The following RHOU variants were observed in gnomAD, a reference collection of about 807,000 sequenced individuals.
RHOU encodes ras homolog family member U, also known as rho-related GTP-binding protein RhoU.
RHOU carries 8 observed loss-of-function variants against 12.6 expected under a neutral mutation model. The ratio of observed to expected loss-of-function variants is 0.64; its 90% CI spans 0.37 to 1.15. The LOEUF is 1.15. Among genes scored for constraint, RHOU ranks in the 50% most tolerant of loss-of-function variants. The pLI, the probability that RHOU is intolerant of heterozygous loss-of-function variation, is 0.01. For synonymous variants in RHOU, 161 were observed against 147.4 expected (o/e 1.09, Z -0.67); for missense variants, 258 against 347.0 (o/e 0.74, Z 2.04).
rs764112628 is a variant in RHOU, at chr1:228,736,015, CG to C, written c.262+17del. The C allele has an allele frequency of 9.6e-6, 15 of 1,569,104 alleles. No individual in the cohort carries two copies. In the East Asian group the frequency reaches 9.8e-5, roughly 10 times the overall value. The stretch of plus-strand genomic sequence containing the variant: ...TCGACAACTTCTCCGGTGAGCTGGC[CG>C]GGGGGCCGGGGCCGGGGGCGCGTGG... On this transcript the variant is annotated intron_variant, in intron 1 of 2. Coordinates refer to ENST00000366691, the MANE Select transcript of RHOU (RefSeq NM_021205.6).
At chr1:228,715,674 G>C in the RHOU span, among the ~76,000 whole-genome samples, 1 of 152,062 alleles carries the variant, frequency 6.6e-6, no homozygotes, top group African/African-American at 2.4e-5. Flanking sequence ...ATTGATTATA[G>C]TGTTTAGTTC....
upstream of RHOU, among the ~76,000 whole-genome samples, chr1:228,732,826 A>G (rs973534933): frequency 6.6e-6 from 1 of 151,768 alleles, no homozygotes; most frequent in Non-Finnish European, 1.5e-5. Flanking sequence ...CTTCATTAAG[A>G]AAAAAAAATA....
the RHOU span, among the ~76,000 whole-genome samples, chr1:228,679,789 C>T: frequency 6.6e-6 from 1 of 151,692 alleles, no homozygotes; most frequent in Non-Finnish European, 1.5e-5. Flanking sequence ...CATCCATCCT[C>T]AAGGAGGGAG....
chr1:228,723,689 C>T, the RHOU span, among the ~76,000 whole-genome samples: 1 of 152,178 alleles, frequency 6.6e-6, no homozygotes, highest in Non-Finnish European at 1.5e-5. Flanking sequence ...TTGGAGCTGC[C>T]GTAAAAGAAA....
Position 228,743,691 on chromosome 1 carries a change from T to G in RHOU, c.728T>G (p.Met243Arg), listed in dbSNP as rs1290927798. 6.2e-7 allele frequency: 1 copy of G among 1,613,820 alleles called. No individual in the cohort carries two copies. The highest frequency in any genetic ancestry group is 2.2e-5 in the East Asian group (1 of 44,888). ...TCTAAAAGCAGGACTCCAGATAAAA[T>G]GAAAAACCTCTCCAAGTCCTGGTGG... ...KKSKSRTPDK[M>R]KNLSKSWWKK... is the part of the protein sequence containing the mutation. Residue 243 changes from methionine to arginine, a missense_variant, in exon 3 of 3, where the codon ATG becomes AGG. Met to Arg is a moderately conservative substitution (Grantham distance 91, BLOSUM62 -1). Coordinates refer to ENST00000366691, the MANE Select transcript of RHOU (RefSeq NM_021205.6). This position sits in a 1 kb window ranked among gnomAD's most constrained non-coding sequence, Gnocchi z 5.1.
At chr1:228,649,871 T>C in the RHOU span, among the ~76,000 whole-genome samples, 5 of 152,230 alleles carry the variant, frequency 3.3e-5, no homozygotes, top group African/African-American at 7.2e-5. Context: ...TTGATATGAA[T>C]GTTCCAAAAT....
At chr1:228,723,056 C>G in the RHOU span, among the ~76,000 whole-genome samples, 1 of 152,212 alleles carries the variant, frequency 6.6e-6, no homozygotes, top group Admixed American at 6.5e-5. Context: ...GCCCCTCTCC[C>G]CATTCCCCTC....
chr1:228,728,480 A>G, the RHOU span, among the ~76,000 whole-genome samples: 3 of 152,204 alleles, frequency 2.0e-5, no homozygotes, highest in Non-Finnish European at 2.9e-5. Context: ...GATGTGCAGT[A>G]CTTCATGTTC....
At chr1:228,652,860 A>G in the RHOU span, among the ~76,000 whole-genome samples, 1 of 152,230 alleles carries the variant, frequency 6.6e-6, no homozygotes, top group Non-Finnish European at 1.5e-5. Flanking sequence ...TATGCTATCT[A>G]AAGTTTTCAG....
chr1:228,742,677 A>G (rs537288862), intron 2 of RHOU, among the ~76,000 whole-genome samples: 15 of 152,198 alleles, frequency 9.9e-5, no homozygotes, highest in African/African-American at 3.1e-4. Context: ...AAGGTCCTCA[A>G]CTCCATTTCT....
the RHOU span, among the ~76,000 whole-genome samples, chr1:228,682,259 T>A: frequency 1.3e-5 from 2 of 152,352 alleles, no homozygotes; most frequent in Middle Eastern, 6.8e-3. Flanking sequence ...TCTGAGGACC[T>A]GACGTCATAG....
the RHOU span, among the ~76,000 whole-genome samples, chr1:228,685,341 T>A: frequency 7.2e-5 from 11 of 152,298 alleles, no homozygotes; most frequent in Non-Finnish European, 2.9e-5. Flanking sequence ...CCAGCCTCTA[T>A]TAAGATGGAG....
At chr1:228,719,175 T>C in the RHOU span, among the ~76,000 whole-genome samples, 3 of 152,184 alleles carry the variant, frequency 2.0e-5, no homozygotes, top group African/African-American at 7.2e-5. Context: ...CATCCTTCTA[T>C]ATTCCTGTAT....
At chr1:228,676,743 G>T in the RHOU span, among the ~76,000 whole-genome samples, 2 of 151,738 alleles carry the variant, frequency 1.3e-5, no homozygotes, top group African/African-American at 4.8e-5. Context: ...TTTGCAGGCA[G>T]GGGGTGGATC....
At chr1:228,684,328 C>T in the RHOU span, among the ~76,000 whole-genome samples, 4 of 149,118 alleles carry the variant, frequency 2.7e-5, no homozygotes, top group Admixed American at 6.6e-5. Flanking sequence ...TGAGCCACTG[C>T]GCCTGGCCAG....
chr1:228,707,253 A>AGTGTGTG, the RHOU span, among the ~76,000 whole-genome samples: 11 of 77,130 alleles, frequency 1.4e-4, no homozygotes, highest in East Asian at 1.8e-3. Context: ...ATATATATAT[A>AGTGTGTG]TAGTGTGTGT....
At chr1:228,688,990 A>G in the RHOU span, among the ~76,000 whole-genome samples, 20 of 152,316 alleles carry the variant, frequency 1.3e-4, no homozygotes, top group Non-Finnish European at 2.4e-4. Flanking sequence ...AAGAGGCTCT[A>G]GGGAGACAGA....
the RHOU span, among the ~76,000 whole-genome samples, chr1:228,682,426 G>A: frequency 6.6e-6 from 1 of 152,222 alleles, no homozygotes; most frequent in South Asian, 2.1e-4. Flanking sequence ...TTTCACCTGG[G>A]TGTAGGTGGG....
At chr1:228,710,893 A>T in the RHOU span, among the ~76,000 whole-genome samples, 1 of 152,146 alleles carries the variant, frequency 6.6e-6, no homozygotes, top group East Asian at 1.9e-4. Flanking sequence ...AGACGACATG[A>T]TTGTATATCT....
Sources: gnomAD v4.1 joint callset for allele counts (sites outside exome capture counted in the v4.1 genomes callset) on GRCh38, gnomAD v4.1.1 for gene constraint, Gnocchi (gnomAD v3.1) non-coding constraint, MANE v1.5 for transcripts, NCBI Gene and HGNC (gene_info 2026-07-23, HGNC 2026-07-21) for gene names.